The following NRXN3 variants were observed in gnomAD, a reference collection of about 807,000 sequenced individuals.
NRXN3 encodes the protein neurexin 3.
Under a neutral mutation model 137.6 loss-of-function variants are expected in NRXN3, and 32 were observed. The ratio of observed to expected loss-of-function variants is 0.23; its 90% CI spans 0.18 to 0.31. The LOEUF (loss-of-function observed/expected upper bound fraction) is 0.31, where lower values mean the gene tolerates loss of function less well. Among genes scored for constraint, NRXN3 ranks in the 10% least tolerant of loss-of-function variants. The pLI, the probability that NRXN3 is intolerant of heterozygous loss-of-function variation, is 1.00. For missense variants in NRXN3, 1,574 were observed against 2,062.5 expected, an observed-to-expected ratio of 0.76 and a Z score of 4.59; for synonymous variants, 798 against 784.5, an observed-to-expected ratio of 1.02 and a Z score of -0.29.
At chr14:78,793,037 A>G (rs1187333647) in intron 8 of NRXN3, among the ~76,000 whole-genome samples, 2 of 152,158 alleles carry the variant, frequency 1.3e-5, no homozygotes, top group Non-Finnish European at 2.9e-5. Context: ...CAAAGGATAA[A>G]TGCTTGAGGG....
intron 8 of NRXN3, among the ~76,000 whole-genome samples, chr14:78,751,639 T>G (rs2098642955): frequency 6.6e-6 from 1 of 152,122 alleles, no homozygotes; most frequent in African/African-American, 2.4e-5. Flanking sequence ...CCCTCTCTAA[T>G]TAAGAGATTC....
intron 4 of NRXN3, among the ~76,000 whole-genome samples, chr14:78,613,145 C>A (rs1241662653): frequency 6.6e-6 from 1 of 151,660 alleles, no homozygotes; most frequent in African/African-American, 2.4e-5. Context: ...CCCTCTGACT[C>A]CTTTAACTTG....
At chr14:78,894,792 G>A (rs879800262) in intron 10 of NRXN3, among the ~76,000 whole-genome samples, 1 of 151,138 alleles carries the variant, frequency 6.6e-6, no homozygotes, top group Admixed American at 6.6e-5. Flanking sequence ...TGGATGTTAC[G>A]TTAGCAGACA....
chr14:78,769,260 T>A (rs2098719154), intron 8 of NRXN3, among the ~76,000 whole-genome samples: 1 of 152,204 alleles, frequency 6.6e-6, no homozygotes, highest in African/African-American at 2.4e-5. Flanking sequence ...TCTTATTATA[T>A]CACAATATCA....
intron 16 of NRXN3, among the ~76,000 whole-genome samples, chr14:79,554,985 G>A (rs1488132253): frequency 2.0e-5 from 3 of 152,136 alleles, no homozygotes; most frequent in Non-Finnish European, 4.4e-5. Flanking sequence ...CAAATTAAGT[G>A]TACACTATGT....
At chr14:78,769,074 A>G (rs2098718509) in intron 8 of NRXN3, among the ~76,000 whole-genome samples, 1 of 152,182 alleles carries the variant, frequency 6.6e-6, no homozygotes, top group Non-Finnish European at 1.5e-5. Context: ...GTCAGTCCCC[A>G]TCCTGAAGCT....
chr14:78,243,333 G>C lies in NRXN3; in HGVS notation c.240G>C (p.Leu80=), dbSNP rs920143370. ...TCTGCGACTTCCTATGCCTCTCCCT[G>C]GTGGATGGCCGCGTTCAGCTCCGCT... is the stretch of plus-strand genomic sequence containing the variant. ...GGVCDFLCLS[L]VDGRVQLRFS... Residue 80 remains leucine (L), a synonymous_variant, in exon 2 of 21, where the codon CTG becomes CTC. Transcript: ENST00000335750. This position sits in a 1 kb window ranked among gnomAD's most constrained non-coding sequence, Gnocchi z 4.2. 2.6e-6 allele frequency: 4 copies of C among 1,560,306 alleles called. No individual in the cohort carries two copies. The highest frequency in any genetic ancestry group is 1.4e-5 in the African/African-American group (1 of 74,072).
intron 1 of NRXN3, among the ~76,000 whole-genome samples, chr14:78,214,617 G>A (rs555811090): frequency 2.3e-4 from 35 of 152,308 alleles, no homozygotes; most frequent in African/African-American, 7.9e-4. Flanking sequence ...AGAATAAGTG[G>A]ATATTCGATC....
At chr14:79,544,994 T>C (rs937969369) in intron 16 of NRXN3, among the ~76,000 whole-genome samples, 2 of 152,208 alleles carry the variant, frequency 1.3e-5, no homozygotes, top group Non-Finnish European at 2.9e-5. Context: ...CAAGTAAGTC[T>C]TACCAGTGAG....
intron 16 of NRXN3, among the ~76,000 whole-genome samples, chr14:79,486,894 A>G (rs1007583759): frequency 6.9e-6 from 1 of 145,042 alleles, no homozygotes; most frequent in African/African-American, 2.7e-5. Flanking sequence ...TGTCCCTTCT[A>G]TTAAACTCTC....
chr14:79,054,586 C>T (rs1218988241), intron 15 of NRXN3, among the ~76,000 whole-genome samples: 1 of 152,146 alleles, frequency 6.6e-6, no homozygotes, highest in Non-Finnish European at 1.5e-5. Context: ...CAAAATATGC[C>T]TTTGGGAATG....
intron 4 of NRXN3, among the ~76,000 whole-genome samples, chr14:78,501,154 C>A (rs2095870389): frequency 6.6e-6 from 1 of 152,158 alleles, no homozygotes; most frequent in Non-Finnish European, 1.5e-5. Context: ...CAGCTAAAGA[C>A]AAAAACATTT....
intron 1 of NRXN3, among the ~76,000 whole-genome samples, chr14:78,188,897 G>A (rs2060472536): frequency 6.6e-6 from 1 of 151,974 alleles, no homozygotes; most frequent in African/African-American, 2.4e-5. Flanking sequence ...TGGACCTCTC[G>A]CCAGACTCAC....
chr14:79,059,175 A>G (rs1467224522), intron 15 of NRXN3, among the ~76,000 whole-genome samples: 1 of 149,730 alleles, frequency 6.7e-6, no homozygotes, highest in Admixed American at 6.7e-5. Flanking sequence ...TCTTCTATTT[A>G]TTCTCCTTAT....
At chr14:79,429,903 GATA>G (rs1330518446) in intron 15 of NRXN3, among the ~76,000 whole-genome samples, 1 of 151,752 alleles carries the variant, frequency 6.6e-6, no homozygotes, top group Non-Finnish European at 1.5e-5. Flanking sequence ...TAAGCATCTT[GATA>G]TTAGAAATTA....
rs74517287 is a variant in NRXN3, at chr14:78,428,573, C to G, written c.757+130713C>G. Among the ~76,000 whole-genome samples the G allele has an allele frequency of 6.3e-3, 954 of 152,154 alleles. 29 individuals are homozygous for G. The East Asian group carries it at 0.066, about 11-fold the overall frequency. On this transcript the variant is annotated intron_variant, in intron 4 of 20. Transcript: ENST00000335750. Reference sequence around the variant, plus strand: ...AGGGGAGAGAGACAGTGAGAGAGGACAGAAGAGAGATTTTTATTAAAAGAA... The same window carrying G: ...AGGGGAGAGAGACAGTGAGAGAGGAGAGAAGAGAGATTTTTATTAAAAGAA...
At chr14:78,284,906 C>T (rs2074958102) in intron 3 of NRXN3, among the ~76,000 whole-genome samples, 1 of 152,198 alleles carries the variant, frequency 6.6e-6, no homozygotes, top group Non-Finnish European at 1.5e-5. Context: ...CCTACCACTT[C>T]ACCAATGAAG....
chr14:79,397,563 C>T (rs2153483789), intron 15 of NRXN3, among the ~76,000 whole-genome samples: 1 of 152,252 alleles, frequency 6.6e-6, no homozygotes, highest in East Asian at 1.9e-4. Context: ...GGTTGAATAA[C>T]AACACTCAAA....
chr14:79,168,314 T>C (rs2061468491), intron 15 of NRXN3, among the ~76,000 whole-genome samples: 1 of 152,068 alleles, frequency 6.6e-6, no homozygotes, highest in South Asian at 2.1e-4. Context: ...TGTGTGATAA[T>C]ATTTACCTTA....
Sources: gnomAD v4.1 joint callset for allele counts (sites outside exome capture counted in the v4.1 genomes callset) on GRCh38, gnomAD v4.1.1 for gene constraint, Gnocchi (gnomAD v3.1) non-coding constraint, MANE v1.5 for transcripts, NCBI Gene and HGNC (gene_info 2026-07-23, HGNC 2026-07-21) for gene names.